DNAH8: variants seen among roughly 807,000 people sequenced by gnomAD.
DNAH8 encodes axonemal beta dynein heavy chain 8.
DNAH8 carries 382 observed loss-of-function variants against 562.1 expected under a neutral mutation model. That is an observed-to-expected ratio of 0.68 (90% CI 0.63 to 0.74). The LOEUF (loss-of-function observed/expected upper bound fraction) is 0.74. DNAH8 is among the 30% of genes least tolerant of loss of function. The pLI, the probability that DNAH8 is intolerant of heterozygous loss-of-function variation, is 0.00. For synonymous variants in DNAH8, 1,881 were observed against 1,919.4 expected, an observed-to-expected ratio of 0.98 and a Z score of 0.52; for missense variants, 5,203 against 5,620.4, an observed-to-expected ratio of 0.93 and a Z score of 2.37.
intron 56 of DNAH8, 43 bp from the exon 57 acceptor site, chr6:38,886,748 T>C: frequency 3.6e-6 from 5 of 1,404,412 alleles, no homozygotes; most frequent in Non-Finnish European, 5.0e-6. Context: ...TGGAGGAATA[T>C]GATAGTGATA....
chr6:38,757,715 G>T (rs985735077), intron 10 of DNAH8, among the ~76,000 whole-genome samples: 4 of 152,176 alleles, frequency 2.6e-5, no homozygotes, highest in Non-Finnish European at 5.9e-5. Flanking sequence ...GTAAGGAAGG[G>T]ATCCATTTTC....
chr6:38,845,920 T>A, intron 36 of DNAH8, 147 bp downstream of exon 36: 1 of 649,598 alleles, frequency 1.5e-6, no homozygotes, highest in Non-Finnish European at 2.6e-6. Context: ...AAACTGCCCG[T>A]TTTCCCTAAT....
intron 3 of DNAH8, among the ~76,000 whole-genome samples, chr6:38,728,726 C>G (rs1038605852): frequency 6.6e-6 from 1 of 152,118 alleles, no homozygotes; most frequent in Non-Finnish European, 1.5e-5. Flanking sequence ...GGTGGTGGTT[C>G]TCAAATGTGG....
chr6:38,911,558 T>A lies in DNAH8; in HGVS notation c.9831T>A (p.Ile3277=). The part of the protein sequence containing the change: ...KNIYAEKVKF[I]NEQAERMNIG... ...TTTATGCTGAAAAGGTGAAGTTCAT[T>A]AATGAACAGGCTGAACGTATGAATA... Residue 3277 remains isoleucine, a synonymous_variant, in exon 66 of 93, where the codon ATT becomes ATA. Coordinates refer to ENST00000327475, the MANE Select transcript of DNAH8 (RefSeq NM_001206927.2). 1 of 1,609,968 alleles carries A rather than the reference T, an allele frequency of 6.2e-7. No individual in the cohort carries two copies. The highest frequency in any genetic ancestry group is 1.1e-5 in the South Asian group (1 of 90,984).
chr6:38,791,428 T>A, intron 20 of DNAH8, 127 bp from the exon 21 acceptor site: 1 of 1,171,804 alleles, frequency 8.5e-7, no homozygotes. Flanking sequence ...CAAATTATGC[T>A]TGGCTCAAGA....
intron 1 of DNAH8, among the ~76,000 whole-genome samples, chr6:38,717,822 A>G (rs979545787): frequency 6.6e-6 from 1 of 151,984 alleles, no homozygotes; most frequent in Non-Finnish European, 1.5e-5. Flanking sequence ...TTTTTTTGCA[A>G]TTCTGTACAT....
chr6:38,962,456 TG>T (rs1301033006), intron 82 of DNAH8, among the ~76,000 whole-genome samples: 5 of 151,986 alleles, frequency 3.3e-5, no homozygotes, highest in Non-Finnish European at 5.9e-5. Flanking sequence ...TGGAGCAAAA[TG>T]AAAGGGCCAA....
intron 14 of DNAH8, among the ~76,000 whole-genome samples, chr6:38,779,073 A>G (rs953553638): frequency 6.6e-6 from 1 of 151,708 alleles, no homozygotes; most frequent in Non-Finnish European, 1.5e-5. Context: ...TAACAGCACT[A>G]CTCTCTCAAA....
chr6:38,717,626 G>A (rs116287927), intron 1 of DNAH8, among the ~76,000 whole-genome samples: 6,046 of 137,896 alleles, frequency 0.044, 179 homozygotes, highest in Middle Eastern at 0.15. Flanking sequence ...ATGTACACAT[G>A]ATTTTTTTTT....
chr6:38,758,420 G>C (rs1766145340), intron 10 of DNAH8, among the ~76,000 whole-genome samples: 1 of 151,906 alleles, frequency 6.6e-6, no homozygotes, highest in Non-Finnish European at 1.5e-5. Flanking sequence ...AGCTTAAGGA[G>C]ATTTTGGGCT....
chr6:38,897,488 G>T (rs949921700), intron 60 of DNAH8, among the ~76,000 whole-genome samples: 6 of 152,014 alleles, frequency 3.9e-5, no homozygotes, highest in African/African-American at 1.4e-4. Context: ...TTAACATGTA[G>T]GAATTAACAT....
intron 21 of DNAH8, among the ~76,000 whole-genome samples, chr6:38,794,255 G>A (rs1770022633): frequency 6.6e-6 from 1 of 151,988 alleles, no homozygotes; most frequent in Admixed American, 6.6e-5. Context: ...GCAAGGGTGG[G>A]GATGGGGTAG....
chr6:38,764,857 C>T (rs1005163283), intron 11 of DNAH8, among the ~76,000 whole-genome samples: 4 of 150,802 alleles, frequency 2.7e-5, no homozygotes, highest in African/African-American at 9.8e-5. Flanking sequence ...TTTTTTGAGA[C>T]GGAGTCTCGC....
Position 38,723,141 on chromosome 6 carries a change from G to C in DNAH8, c.332G>C (p.Arg111Thr), listed in dbSNP as rs1762916263. 6.2e-7 allele frequency: 1 copy of C among 1,612,720 alleles called. No individual in the cohort carries two copies. The highest frequency in any genetic ancestry group is 8.5e-7 in the Non-Finnish European group (1 of 1,179,894). ...LSLPSSRRSS[R>T]YRRSMSGLPN... Reference sequence around the variant, plus strand: ...TTGCCGTCTTCCCGGAGGTCCTCCAGATACCGCCGGAGTATGAGTGGCCTT... The same window carrying C: ...TTGCCGTCTTCCCGGAGGTCCTCCACATACCGCCGGAGTATGAGTGGCCTT... Residue 111 changes from arginine (R) to threonine (T), a missense_variant, in exon 2 of 93, where the codon AGA becomes ACA. Physicochemically the swap from Arg to Thr is moderately conservative, Grantham distance 71 (BLOSUM62 -1). Transcript: ENST00000327475.
rs190288109 is a variant in DNAH8 at position 38,942,692 on chromosome 6, G to A, written c.12008-2775G>A. Reference sequence around the variant, plus strand: ...GCTGGGGCAGTGGATTGCAGTCCAGGGCCCCAACAGATAGCATTTGTCGTA... The same window carrying A: ...GCTGGGGCAGTGGATTGCAGTCCAGAGCCCCAACAGATAGCATTTGTCGTA... On this transcript the variant is annotated intron_variant, in intron 79 of 92. Transcript: ENST00000327475. Among the ~76,000 whole-genome samples the A allele has an allele frequency of 2.5e-4, 38 of 152,240 alleles. 1 individual carries two copies. The highest frequency in any genetic ancestry group is 4.7e-4 in the Non-Finnish European group (32 of 68,016).
chr6:38,716,610 T>C (rs1762367034), intron 1 of DNAH8: 1 of 152,226 alleles, frequency 6.6e-6, no homozygotes. Flanking sequence ...AATTCACCTG[T>C]CATTGACATT....
Position 38,853,216 on chromosome 6 carries a change from G to A in DNAH8, c.5602G>A (p.Val1868Met), listed in dbSNP as rs936707560. Residue 1868 changes from valine (V) to methionine (M), a missense_variant, in exon 41 of 93, where the codon GTG becomes ATG. Around this residue, in one of 6 missense-constraint regions of DNAH8, gnomAD observed 2,176 missense variants for 2,365.1 expected, o/e 0.92. Coordinates refer to ENST00000327475, the MANE Select transcript of DNAH8 (RefSeq NM_001206927.2). ...LDNSVMAKGP[V>M]EIWLLDLLKM... ...TAATTCTGTTATGGCCAAAGGTCCT[G>A]TGGAGATTTGGCTACTGGATTTGTT... 6.2e-7 allele frequency: 1 copy of A among 1,612,758 alleles called. No homozygotes were observed. Among genetic ancestry groups the A allele is most frequent in the Non-Finnish European group, 8.5e-7 (1 of 1,179,408 alleles).
intron 21 of DNAH8, among the ~76,000 whole-genome samples, chr6:38,800,922 GTAA>G (rs1770726278): frequency 6.6e-6 from 1 of 152,096 alleles, no homozygotes; most frequent in Non-Finnish European, 1.5e-5. Flanking sequence ...TTTTTGAGTT[GTAA>G]TAATGTTTTA....
At position 38,823,635 on chromosome 6, in the gene DNAH8, A is replaced by G. The variant is rs779616816; in HGVS notation, c.3794A>G (p.Glu1265Gly). 6.2e-7 allele frequency: 1 copy of G among 1,608,370 alleles called. No homozygotes were observed. The change falls in exon 28 of 93, where the codon GAG becomes GGG. Residue 1265 changes from glutamate (E) to glycine (G), a missense_variant. Coordinates refer to ENST00000327475, the MANE Select transcript of DNAH8 (RefSeq NM_001206927.2). ...EILHYATFEQ[E>G]IDELKPIIVV... ...CTACACTATGCTACTTTTGAACAGG[A>G]GATTGATGAGTTGAAGCCTATTATT... is the stretch of plus-strand genomic sequence containing the variant.
Sources: gnomAD v4.1 joint callset for allele counts (sites outside exome capture counted in the v4.1 genomes callset) on GRCh38, gnomAD v4.1.1 for gene constraint, gnomAD v4.1.1 regional missense constraint, MANE v1.5 for transcripts, NCBI Gene and HGNC (gene_info 2026-07-23, HGNC 2026-07-21) for gene names.